The following PELI2 variants were observed in gnomAD, a reference collection of about 807,000 sequenced individuals.
PELI2 encodes the protein pellino E3 ubiquitin protein ligase family member 2, also known as E3 ubiquitin-protein ligase pellino homolog 2.
PELI2 carries 23 observed loss-of-function variants against 42.3 expected under a neutral mutation model. The ratio of observed to expected loss-of-function variants is 0.54; its 90% CI spans 0.39 to 0.77. The LOEUF is 0.77. Ranked by LOEUF, PELI2 falls within the 30% of genes least tolerant of loss-of-function variation. The probability of loss-of-function intolerance (pLI) is 0.00; values close to 1 mark genes in which losing one functional copy is unlikely to be tolerated. For missense variants in PELI2, 463 were observed against 553.2 expected, an observed-to-expected ratio of 0.84 and a Z score of 1.64; for synonymous variants, 245 against 212.2, an observed-to-expected ratio of 1.15 and a Z score of -1.34.
chr14:56,249,564 A>G (rs939531156), intron 2 of PELI2, among the ~76,000 whole-genome samples: 2 of 152,202 alleles, frequency 1.3e-5, no homozygotes, highest in Non-Finnish European at 2.9e-5. Flanking sequence ...CCATGTGAGT[A>G]TCTAAGGGAC....
At chr14:56,278,729 G>A (rs960576084) in intron 2 of PELI2, among the ~76,000 whole-genome samples, 6 of 152,114 alleles carry the variant, frequency 3.9e-5, no homozygotes, top group Non-Finnish European at 8.8e-5. Context: ...TTAACATGCT[G>A]TGTGTGTCCA....
intron 1 of PELI2, among the ~76,000 whole-genome samples, chr14:56,122,628 A>G (rs1883104470): frequency 6.6e-6 from 1 of 152,150 alleles, no homozygotes; most frequent in Admixed American, 6.5e-5. Context: ...GCTTCACAAA[A>G]TGTATTTTTA....
At chr14:56,201,413 A>G (rs1886327200) in intron 2 of PELI2, among the ~76,000 whole-genome samples, 1 of 152,224 alleles carries the variant, frequency 6.6e-6, no homozygotes, top group Non-Finnish European at 1.5e-5. Context: ...TATACCCAGT[A>G]GTGACAATTA....
chr14:56,135,193 G>A (rs772371912), intron 1 of PELI2, among the ~76,000 whole-genome samples: 5 of 152,188 alleles, frequency 3.3e-5, no homozygotes, highest in Non-Finnish European at 2.9e-5. Flanking sequence ...GTGCTGCCGC[G>A]TGAGGGCCCC....
intron 2 of PELI2, among the ~76,000 whole-genome samples, chr14:56,269,455 A>C (rs918957476): frequency 2.6e-5 from 4 of 152,182 alleles, no homozygotes; most frequent in Non-Finnish European, 4.4e-5. Flanking sequence ...AAAAGAAAAA[A>C]AAAATAGATT....
At chr14:56,264,619 A>G (rs1046787366) in intron 2 of PELI2, among the ~76,000 whole-genome samples, 1 of 152,188 alleles carries the variant, frequency 6.6e-6, no homozygotes, top group Non-Finnish European at 1.5e-5. Flanking sequence ...TCTGAAACTG[A>G]AAGCCAAAGA....
intron 2 of PELI2, among the ~76,000 whole-genome samples, chr14:56,239,893 C>A (rs1887915474): frequency 6.6e-6 from 1 of 152,052 alleles, no homozygotes; most frequent in Admixed American, 6.5e-5. Context: ...ATAGAAATGA[C>A]AAGGAGGATG....
chr14:56,121,346 G>A (rs1883051733), intron 1 of PELI2, among the ~76,000 whole-genome samples: 1 of 152,018 alleles, frequency 6.6e-6, no homozygotes, highest in Middle Eastern at 3.4e-3. Context: ...GCTGATAGAT[G>A]TCTATATCCA....
At chr14:56,140,234 A>G (rs879807845) in intron 1 of PELI2, among the ~76,000 whole-genome samples, 2 of 152,182 alleles carry the variant, frequency 1.3e-5, no homozygotes, top group Admixed American at 6.5e-5. Context: ...CAGGACTTGT[A>G]AAGAATAGTT....
In PELI2 at chr14:56,219,150, A is replaced by AT. The variant is rs3050314; in HGVS notation, c.207+40695dup. 0.045 allele frequency among the ~76,000 whole-genome samples: 6,697 copies of AT among 150,094 alleles called. 511 individuals are homozygous for AT. Among genetic ancestry groups the AT allele is most frequent in the African/African-American group, 0.15 (6,294 of 40,884 alleles). On this transcript the variant is annotated intron_variant, in intron 2 of 5. Coordinates refer to ENST00000267460, the MANE Select transcript of PELI2 (RefSeq NM_021255.3). This position sits in a 1 kb window ranked among gnomAD's most constrained non-coding sequence, Gnocchi z 4.1. ...ATCCTGGTCTCTTAATTCCTTTTTT[A>AT]TTTTTTTTTGGATGACTTGAGGACA... is the stretch of plus-strand genomic sequence containing the variant.
chr14:56,280,585 A>G (rs1020518804), intron 3 of PELI2, among the ~76,000 whole-genome samples: 5 of 152,122 alleles, frequency 3.3e-5, no homozygotes. Context: ...CGAAACAAAC[A>G]TCAAAAGAGT....
intron 1 of PELI2, among the ~76,000 whole-genome samples, chr14:56,177,999 G>A (rs116593037): frequency 6.6e-6 from 1 of 152,148 alleles, no homozygotes; most frequent in Non-Finnish European, 1.5e-5. Flanking sequence ...TATTAGAATG[G>A]TGCTAGTTGA....
chr14:56,290,989 G>A (rs1889809374), intron 5 of PELI2, among the ~76,000 whole-genome samples: 1 of 152,114 alleles, frequency 6.6e-6, no homozygotes, highest in Non-Finnish European at 1.5e-5. Flanking sequence ...ATACTGCATT[G>A]ACCTGGCATG....
intron 2 of PELI2, among the ~76,000 whole-genome samples, chr14:56,272,731 A>G (rs1207100907): frequency 6.6e-6 from 1 of 152,234 alleles, no homozygotes; most frequent in Non-Finnish European, 1.5e-5. Flanking sequence ...GATTATCACA[A>G]TAAAAATGCA....
chr14:56,148,484 G>A (rs1884216024), intron 1 of PELI2, among the ~76,000 whole-genome samples: 1 of 152,172 alleles, frequency 6.6e-6, no homozygotes. Flanking sequence ...GCCTATTCTT[G>A]GGGCTTCTCA....
chr14:56,295,295 A>G (rs1397472357), intron 5 of PELI2, among the ~76,000 whole-genome samples: 2 of 150,198 alleles, frequency 1.3e-5, no homozygotes, highest in Admixed American at 6.6e-5. Context: ...CCCCCTACCA[A>G]CTCCCTCTGG....
At chr14:56,256,642 C>T (rs181057513) in intron 2 of PELI2, among the ~76,000 whole-genome samples, 2 of 152,018 alleles carry the variant, frequency 1.3e-5, no homozygotes, top group Non-Finnish European at 2.9e-5. Flanking sequence ...TTATTTAAGA[C>T]GTAATTAGAA....
intron 1 of PELI2, among the ~76,000 whole-genome samples, chr14:56,173,312 T>C (rs1436971310): frequency 6.6e-6 from 1 of 152,190 alleles, no homozygotes; most frequent in Non-Finnish European, 1.5e-5. Context: ...TTGGGGAGCT[T>C]TGCAAAAATG....
chr14:56,246,611 G>A (rs1235768643), intron 2 of PELI2, among the ~76,000 whole-genome samples: 4 of 152,128 alleles, frequency 2.6e-5, no homozygotes, highest in African/African-American at 4.8e-5. Context: ...CAGTGTTTAC[G>A]GACGTAGGCC....
Sources: gnomAD v4.1 joint callset for allele counts (sites outside exome capture counted in the v4.1 genomes callset) on GRCh38, gnomAD v4.1.1 for gene constraint, Gnocchi (gnomAD v3.1) non-coding constraint, MANE v1.5 for transcripts, NCBI Gene and HGNC (gene_info 2026-07-23, HGNC 2026-07-21) for gene names.